TAFA2: variants seen among roughly 807,000 people sequenced by gnomAD.
The protein encoded by TAFA2 is chemokine-like protein TAFA-2.
In TAFA2, 7 loss-of-function variants were observed where a neutral mutation model predicts 18.8. The ratio of observed to expected loss-of-function variants is 0.37; its 90% CI spans 0.21 to 0.70. The LOEUF (loss-of-function observed/expected upper bound fraction) is 0.70, where lower values mean the gene tolerates loss of function less well. TAFA2 is among the 30% of genes least tolerant of loss of function. The probability of loss-of-function intolerance (pLI) is 0.53; values close to 1 mark genes in which losing one functional copy is unlikely to be tolerated. For missense variants in TAFA2, 122 were observed against 158.1 expected (o/e 0.77, Z 1.23); for synonymous variants, 60 against 54.2 (o/e 1.11, Z -0.47).
chr12:61,818,448 C>T (rs1251848440), intron 2 of TAFA2, among the ~76,000 whole-genome samples: 1 of 151,196 alleles, frequency 6.6e-6, no homozygotes, highest in Non-Finnish European at 1.5e-5. Context: ...ACTGAGATTC[C>T]CTACAGCCTA....
chr12:61,798,032 C>A (rs1230339706), intron 2 of TAFA2, among the ~76,000 whole-genome samples: 1 of 152,114 alleles, frequency 6.6e-6, no homozygotes, highest in East Asian at 1.9e-4. Context: ...CCAAAAAGAA[C>A]AAGGTATCAA....
intron 1 of TAFA2, among the ~76,000 whole-genome samples, chr12:62,233,300 C>CT (rs1160306463): frequency 6.6e-6 from 1 of 151,654 alleles, no homozygotes; most frequent in Non-Finnish European, 1.5e-5. Context: ...AGGCTGGACT[C>CT]TAACTTCTAA....
intron 1 of TAFA2, among the ~76,000 whole-genome samples, chr12:62,166,448 T>G (rs976943040): frequency 6.6e-6 from 1 of 152,194 alleles, no homozygotes; most frequent in African/African-American, 2.4e-5. Context: ...AGCTCATTTT[T>G]GTTGCACTAT....
At chr12:62,096,308 G>A (rs1016065252) in intron 1 of TAFA2, among the ~76,000 whole-genome samples, 1 of 151,994 alleles carries the variant, frequency 6.6e-6, no homozygotes, top group Non-Finnish European at 1.5e-5. Flanking sequence ...AAACACTGAA[G>A]TCACATAAGT....
At chr12:61,833,307 C>T (rs955732763) in intron 2 of TAFA2, among the ~76,000 whole-genome samples, 1 of 151,566 alleles carries the variant, frequency 6.6e-6, no homozygotes, top group Non-Finnish European at 1.5e-5. Context: ...ATTCTCGAGT[C>T]CAAACATATC....
At chr12:62,178,297 T>C (rs1468816531) in intron 1 of TAFA2, among the ~76,000 whole-genome samples, 1 of 152,044 alleles carries the variant, frequency 6.6e-6, no homozygotes, top group Non-Finnish European at 1.5e-5. Context: ...CTCTAAAAAA[T>C]AAAATAAAAT....
chr12:62,210,222 G>T (rs898448965), intron 1 of TAFA2, among the ~76,000 whole-genome samples: 20 of 118,716 alleles, frequency 1.7e-4, no homozygotes, highest in Admixed American at 4.3e-4. Flanking sequence ...AATAAATAAA[G>T]GCATCCAGAT....
intron 1 of TAFA2, among the ~76,000 whole-genome samples, chr12:62,075,489 G>T (rs1366072898): frequency 6.6e-6 from 1 of 152,152 alleles, no homozygotes; most frequent in Non-Finnish European, 1.5e-5. Context: ...ACTGGACCCA[G>T]ATTAGACTCT....
intron 1 of TAFA2, among the ~76,000 whole-genome samples, chr12:61,941,209 A>G (rs1306740856): frequency 6.6e-6 from 1 of 152,130 alleles, no homozygotes; most frequent in Non-Finnish European, 1.5e-5. Context: ...CAAAACAAAA[A>G]CTTATATTAC....
At chr12:62,006,451 A>G (rs943143569) in intron 1 of TAFA2, among the ~76,000 whole-genome samples, 3 of 152,184 alleles carry the variant, frequency 2.0e-5, no homozygotes, top group African/African-American at 7.2e-5. Flanking sequence ...AATAACTATC[A>G]TGTTATAATA....
At chr12:62,060,860 A>G in intron 1 of TAFA2, among the ~76,000 whole-genome samples, 1 of 152,280 alleles carries the variant, frequency 6.6e-6, no homozygotes, top group Non-Finnish European at 1.5e-5. Context: ...AAAAGCTTAT[A>G]GAATAAGAAT....
intron 1 of TAFA2, among the ~76,000 whole-genome samples, chr12:61,996,839 C>A (rs1229752026): frequency 6.6e-6 from 1 of 152,108 alleles, no homozygotes; most frequent in East Asian, 1.9e-4. Context: ...ATTTTTATAA[C>A]CTTACCAAGA....
At chr12:62,235,404 T>C (rs564428122) in intron 1 of TAFA2, 6 of 649,632 alleles carry the variant, frequency 9.2e-6, no homozygotes, top group Admixed American at 7.3e-5. Context: ...AGATGAGTCA[T>C]GTTCAAGATG....
At chr12:61,823,172 T>C (rs981904134) in intron 2 of TAFA2, among the ~76,000 whole-genome samples, 1 of 152,124 alleles carries the variant, frequency 6.6e-6, no homozygotes, top group Non-Finnish European at 1.5e-5. Context: ...ATTTACTCTG[T>C]TTCTGTTTTC....
At chr12:62,213,569 T>C (rs1346123107) in intron 1 of TAFA2, among the ~76,000 whole-genome samples, 2 of 150,376 alleles carry the variant, frequency 1.3e-5, no homozygotes, top group African/African-American at 2.5e-5. Flanking sequence ...CTTGAACCCA[T>C]GAAGCAGAGG....
intron 1 of TAFA2, among the ~76,000 whole-genome samples, chr12:62,232,032 T>C (rs2062813762): frequency 6.6e-6 from 1 of 152,206 alleles, no homozygotes; most frequent in African/African-American, 2.4e-5. Flanking sequence ...TTTCCTTTTT[T>C]CTTTGACCTT....
At chr12:61,784,596 C>T (rs1211018924) in intron 2 of TAFA2, among the ~76,000 whole-genome samples, 6 of 151,216 alleles carry the variant, frequency 4.0e-5, no homozygotes, top group South Asian at 4.2e-4. Flanking sequence ...ATTTGGAGTG[C>T]TCAAGACTTT....
At chr12:62,112,111 T>C in intron 1 of TAFA2, among the ~76,000 whole-genome samples, 1 of 152,228 alleles carries the variant, frequency 6.6e-6, no homozygotes, top group East Asian at 1.9e-4. Flanking sequence ...GGTGTGTTTT[T>C]GCAGTGGCTG....
rs1460898256 is a variant in TAFA2 at position 61,710,189 on chromosome 12, G to A, written c.*217C>T. The A allele has an allele frequency of 9.5e-6, 5 of 527,808 alleles. No homozygotes were observed. The highest frequency in any genetic ancestry group is 1.7e-5 in the Non-Finnish European group (5 of 294,628). The allele number at this position is 527,808 out of a possible 1,614,324, so 32.7% of individuals were successfully genotyped here. Reference sequence around the variant, plus strand: ...TTTAACAATTTACAAGTTGAACACAGTTCAAATCTGCTGAAATCTTCATGA... The same window carrying A: ...TTTAACAATTTACAAGTTGAACACAATTCAAATCTGCTGAAATCTTCATGA... On this transcript the variant is annotated 3_prime_UTR_variant, in exon 5 of 5. Transcript: ENST00000416284.
Sources: allele counts gnomAD v4.1 joint callset (sites outside exome capture counted in the v4.1 genomes callset), GRCh38; gene constraint gnomAD v4.1.1; transcripts MANE v1.5; gene names NCBI Gene and HGNC (gene_info 2026-07-23, HGNC 2026-07-21).